VDR: variants seen among roughly 807,000 people sequenced by gnomAD.
VDR encodes vitamin D3 receptor.
Under a neutral mutation model 39.7 loss-of-function variants are expected in VDR, and 19 were observed. That is an observed-to-expected ratio of 0.48 (90% confidence interval 0.33 to 0.70). The LOEUF (loss-of-function observed/expected upper bound fraction) is 0.70. Ranked by LOEUF, VDR falls within the 30% of genes least tolerant of loss-of-function variation. The pLI is 0.02. For missense variants in VDR, 442 were observed against 570.5 expected (o/e 0.77, Z 2.29); for synonymous variants, 242 against 215.8 (o/e 1.12, Z -1.07).
intron 1 of VDR, among the ~76,000 whole-genome samples, chr12:47,888,090 G>A (rs1025760316): frequency 2.6e-5 from 4 of 152,148 alleles, no homozygotes; most frequent in South Asian, 2.1e-4. Context: ...GTATCATGGC[G>A]GAAGGTGAAA....
At chr12:47,875,509 T>G (rs1945981967) in intron 3 of VDR, among the ~76,000 whole-genome samples, 1 of 152,106 alleles carries the variant, frequency 6.6e-6, no homozygotes, top group African/African-American at 2.4e-5. Flanking sequence ...CAAACAGATA[T>G]GAGTGACCAC....
intron 3 of VDR, among the ~76,000 whole-genome samples, chr12:47,877,410 T>C (rs911045517): frequency 6.6e-6 from 1 of 152,226 alleles, no homozygotes; most frequent in Admixed American, 6.5e-5. Flanking sequence ...ACATGTCATC[T>C]CATTAATCCT....
chr12:47,871,915 C>T (rs1029493146), intron 3 of VDR, among the ~76,000 whole-genome samples: 11 of 152,216 alleles, frequency 7.2e-5, no homozygotes, highest in Non-Finnish European at 1.5e-4. Flanking sequence ...TGTGCACACA[C>T]ACATACACAC....
intron 2 of VDR, among the ~76,000 whole-genome samples, chr12:47,881,355 G>T (rs2137209226): frequency 6.6e-6 from 1 of 152,218 alleles, no homozygotes; most frequent in South Asian, 2.1e-4. Flanking sequence ...GTGGACAGGG[G>T]CAGGGGCTGA....
At chr12:47,880,272 C>T (rs536250233) in intron 2 of VDR, among the ~76,000 whole-genome samples, 2 of 152,276 alleles carry the variant, frequency 1.3e-5, no homozygotes, top group African/African-American at 2.4e-5. Context: ...TCCTCCTGCC[C>T]TTGGGTGACA....
At chr12:47,864,479 C>T (rs1334865421) in intron 4 of VDR, among the ~76,000 whole-genome samples, 1 of 152,238 alleles carries the variant, frequency 6.6e-6, no homozygotes, top group African/African-American at 2.4e-5. Flanking sequence ...CTCCTGGTCT[C>T]TCCCTGGCAC....
At chr12:47,859,906 C>T (rs868010322) in intron 4 of VDR, among the ~76,000 whole-genome samples, 938 of 42,310 alleles carry the variant, frequency 0.022, 86 homozygotes, top group East Asian at 0.036. Flanking sequence ...TCCTTCCTTC[C>T]TTCCTTCCTT....
intron 5 of VDR, 33 bp from the exon 6 acceptor site, chr12:47,857,282 T>A: frequency 4.3e-6 from 7 of 1,613,712 alleles, no homozygotes; most frequent in Non-Finnish European, 5.9e-6. Flanking sequence ...CAGACCCACA[T>A]TTTGGGGTTG....
At chr12:47,876,877 C>G (rs981960964) in intron 3 of VDR, among the ~76,000 whole-genome samples, 1 of 152,226 alleles carries the variant, frequency 6.6e-6, no homozygotes, top group Non-Finnish European at 1.5e-5. Flanking sequence ...CACCACCCAA[C>G]CAGCTGCCAC....
intron 1 of VDR, among the ~76,000 whole-genome samples, chr12:47,888,487 T>C (rs1463869503): frequency 6.6e-6 from 1 of 152,194 alleles, no homozygotes; most frequent in Non-Finnish European, 1.5e-5. Flanking sequence ...ATGGCTTACT[T>C]AGATAGATTT....
chr12:47,882,627 C>CCGGGGG, intron 2 of VDR, 67 bp downstream of exon 2: 1 of 562,066 alleles, frequency 1.8e-6, no homozygotes, highest in East Asian at 3.6e-5. Flanking sequence ...TCTTATGCCC[C>CCGGGGG]TCCCCCCCAC....
At position 47,882,771 on chromosome 12, in the gene VDR, G is replaced by T. The variant is rs956855629; in HGVS notation, c.-80C>A. ...TCTCACAGACACTTCAGACCCAAAG[G>T]CTTCTGAAATGAAGAAGGGGAAACC... On this transcript the variant is annotated 5_prime_UTR_variant, in exon 2 of 10. Transcript: ENST00000549336. 13 of 1,534,954 alleles carry T rather than the reference G, an allele frequency of 8.5e-6. No individual in the cohort carries two copies. Among genetic ancestry groups the T allele is most frequent in the East Asian group, 4.9e-5 (2 of 40,924 alleles).
intron 2 of VDR, among the ~76,000 whole-genome samples, chr12:47,879,363 T>C (rs1946091108): frequency 6.6e-6 from 1 of 152,232 alleles, no homozygotes; most frequent in Non-Finnish European, 1.5e-5. Flanking sequence ...GTTTCAGATG[T>C]TGCATCTGTC....
intron 3 of VDR, among the ~76,000 whole-genome samples, chr12:47,873,573 G>C (rs1219808579): frequency 1.3e-5 from 2 of 151,186 alleles, no homozygotes; most frequent in Non-Finnish European, 2.9e-5. Flanking sequence ...GTGTTAGCCA[G>C]GATGGTCTCG....
chr12:47,898,698 A>G (rs1946506179), intron 1 of VDR: 1 of 155,300 alleles, frequency 6.4e-6, no homozygotes, highest in African/African-American at 2.4e-5. Context: ...AAACTCATGA[A>G]CTGCAGTGGT....
chr12:47,850,734 C>T (rs756800536), intron 7 of VDR, among the ~76,000 whole-genome samples: 3 of 152,152 alleles, frequency 2.0e-5, no homozygotes, highest in Non-Finnish European at 2.9e-5. Context: ...TCCGTTCCCC[C>T]TCCCTCACCT....
rs551191884 is a variant in VDR at position 47,869,460 on chromosome 12, C to T, written c.147-4283G>A. 4.1e-4 allele frequency among the ~76,000 whole-genome samples: 56 copies of T among 136,588 alleles called. 1 individual carries two copies. The South Asian group carries it at 0.01, about 25-fold the overall frequency. 89.6% of individuals were successfully genotyped at this position (136,588 alleles called of 152,430 possible). Reference sequence around the variant, plus strand: ...CTGAGGCAGGAGAATGGCGTGAACCCGGGAGGTGGAGCTTGCAGTGAGCTG... The same window carrying T: ...CTGAGGCAGGAGAATGGCGTGAACCTGGGAGGTGGAGCTTGCAGTGAGCTG... On this transcript the variant is annotated intron_variant, in intron 3 of 9. Coordinates refer to ENST00000549336, the MANE Select transcript of VDR (RefSeq NM_000376.3).
Position 47,844,457 on chromosome 12 carries a change from C to G in VDR, c.*289G>C. 1 of 565,838 alleles carries G rather than the reference C, an allele frequency of 1.8e-6. No homozygotes were observed. Among genetic ancestry groups the G allele is most frequent in the Non-Finnish European group, 3.2e-6 (1 of 314,626 alleles). 35.1% of individuals were successfully genotyped at this position (565,838 alleles called of 1,614,324 possible). A position where few individuals can be genotyped will look rare whatever the true frequency, so the allele number is the denominator to read the frequency against. ...CACTTAGGCAGCGGTGGAGGCATCT[C>G]TGGGCAAGGCCCTGCCTCCAGCCTC... On this transcript the variant is annotated 3_prime_UTR_variant, in exon 10 of 10. Coordinates refer to ENST00000549336, the MANE Select transcript of VDR (RefSeq NM_000376.3).
chr12:47,845,569 G>A (rs1023478256), intron 9 of VDR, among the ~76,000 whole-genome samples: 17 of 152,204 alleles, frequency 1.1e-4, no homozygotes, highest in African/African-American at 2.6e-4. Flanking sequence ...TTCCTCCTAA[G>A]CTTCATGGGA....
Sources: gnomAD v4.1 joint callset for allele counts (sites outside exome capture counted in the v4.1 genomes callset) on GRCh38, gnomAD v4.1.1 for gene constraint, MANE v1.5 for transcripts, NCBI Gene and HGNC (gene_info 2026-07-23, HGNC 2026-07-21) for gene names.